Variants in LRRC69 observed in about 807,000 individuals in gnomAD.
LRRC69 encodes leucine rich repeat containing 69, also known as leucine-rich repeat-containing protein 69.
Under a neutral mutation model 37.8 loss-of-function variants are expected in LRRC69, and 42 were observed. The ratio of observed to expected loss-of-function variants is 1.11; its 90% CI spans 0.87 to 1.44. The LOEUF (loss-of-function observed/expected upper bound fraction) is 1.44. LRRC69 is among the 40% of genes most tolerant of loss of function. The probability of loss-of-function intolerance (pLI) is 0.00; values close to 1 mark genes in which losing one functional copy is unlikely to be tolerated. For missense variants in LRRC69, 357 were observed against 401.9 expected, an observed-to-expected ratio of 0.89 and a Z score of 0.96; for synonymous variants, 141 against 143.1, an observed-to-expected ratio of 0.99 and a Z score of 0.11.
At chr8:91,151,364 A>G (rs1457878914) in intron 5 of LRRC69, among the ~76,000 whole-genome samples, 4 of 151,300 alleles carry the variant, frequency 2.6e-5, no homozygotes, top group Non-Finnish European at 4.4e-5. Flanking sequence ...ATTCAGGAGC[A>G]GGTTGTTCCG....
chr8:91,124,717 T>C, intron 2 of LRRC69, 98 bp downstream of exon 2: 4 of 1,102,410 alleles, frequency 3.6e-6, no homozygotes, highest in Non-Finnish European at 5.0e-6. Context: ...GCATGTTTAA[T>C]CTTTTTTTGT....
At chr8:91,135,568 G>T in intron 4 of LRRC69, 100 bp from the exon 5 acceptor site, 1 of 693,314 alleles carries the variant, frequency 1.4e-6, no homozygotes, top group Non-Finnish European at 2.3e-6. Flanking sequence ...AGAAAAGATG[G>T]CCACCTTCAT....
rs1010813672 is a variant in LRRC69, at chr8:91,197,833, T to G, written c.754-2780T>G. On this transcript the variant is annotated intron_variant, in intron 6 of 7. Transcript: ENST00000448384. ...GTCGCTCACGGTGGGAGCTGTAGAC[T>G]GGAGCTGTTCCTATTCGGCCATCTT... Among the ~76,000 whole-genome samples, 13 of 152,018 alleles carry G rather than the reference T, an allele frequency of 8.6e-5. No individual in the cohort carries two copies. In the East Asian group the frequency reaches 1.2e-3, roughly 14 times the overall value.
intron 7 of LRRC69, among the ~76,000 whole-genome samples, chr8:91,213,999 A>C (rs1467995829): frequency 6.6e-6 from 1 of 151,862 alleles, no homozygotes; most frequent in East Asian, 1.9e-4. Flanking sequence ...ATGTGGGGGA[A>C]AACCGGTGAG....
chr8:91,204,601 T>G (rs1228466094), intron 7 of LRRC69, among the ~76,000 whole-genome samples: 1 of 152,248 alleles, frequency 6.6e-6, no homozygotes, highest in Non-Finnish European at 1.5e-5. Flanking sequence ...ACAAGTATGC[T>G]ATGTTCCCAA....
At chr8:91,186,160 T>G (rs560945936) in intron 5 of LRRC69, among the ~76,000 whole-genome samples, 9 of 152,318 alleles carry the variant, frequency 5.9e-5, no homozygotes, top group African/African-American at 1.7e-4. Context: ...AGATATTTGT[T>G]TATTCATAAA....
intron 5 of LRRC69, among the ~76,000 whole-genome samples, chr8:91,163,322 C>T (rs1808976926): frequency 6.6e-6 from 1 of 151,568 alleles, no homozygotes; most frequent in South Asian, 2.1e-4. Flanking sequence ...ATGAAAACAG[C>T]ATCTTTGCCT....
At chr8:91,134,588 AG>A (rs1813872973) in intron 4 of LRRC69, among the ~76,000 whole-genome samples, 2 of 151,914 alleles carry the variant, frequency 1.3e-5, no homozygotes, top group South Asian at 2.1e-4. Context: ...CATCTCCTCT[AG>A]AAACAACCTC....
At chr8:91,149,658 C>G (rs75985466) in intron 5 of LRRC69, among the ~76,000 whole-genome samples, 7,964 of 152,016 alleles carry the variant, frequency 0.052, 293 homozygotes, top group Middle Eastern at 0.16. Context: ...GGCATTGAAT[C>G]TATAAATTAC....
intron 6 of LRRC69, among the ~76,000 whole-genome samples, chr8:91,196,839 G>A (rs905004459): frequency 2.6e-5 from 4 of 152,124 alleles, no homozygotes; most frequent in South Asian, 4.1e-4. Context: ...CCTTCTCTCA[G>A]CTTGTCAAAG....
chr8:91,189,465 T>C, intron 5 of LRRC69, 57 bp from the exon 6 acceptor site: 1 of 1,091,624 alleles, frequency 9.2e-7, no homozygotes, highest in Non-Finnish European at 1.3e-6. Flanking sequence ...AAAATGTAGC[T>C]TTAGAGGTAG....
At chr8:91,195,625 T>C (rs1031318402) in intron 6 of LRRC69, among the ~76,000 whole-genome samples, 2 of 151,996 alleles carry the variant, frequency 1.3e-5, no homozygotes, top group African/African-American at 4.8e-5. Context: ...TTTTGATCTT[T>C]ATTGGTTTAA....
rs183786067 is a variant in LRRC69, at chr8:91,142,304, G to A, written c.651+6565G>A. Among the ~76,000 whole-genome samples, 5 of 152,092 alleles carry A rather than the reference G, an allele frequency of 3.3e-5. No individual in the cohort carries two copies. In the East Asian group the frequency reaches 7.7e-4, roughly 23 times the overall value. On this transcript the variant is annotated intron_variant, in intron 5 of 7. Transcript: ENST00000448384. ...AATAGAAAACTTCACATTTAAATAA[G>A]CTCTTAGAATCCTCCGTTAGCAATC...
intron 5 of LRRC69, among the ~76,000 whole-genome samples, chr8:91,172,641 G>A (rs1438137477): frequency 1.3e-5 from 2 of 151,636 alleles, no homozygotes; most frequent in African/African-American, 2.4e-5. Context: ...TCAGCCTCCC[G>A]AGTAGCTGGG....
chr8:91,213,654 A>C (rs191672150), intron 7 of LRRC69, among the ~76,000 whole-genome samples: 1 of 152,332 alleles, frequency 6.6e-6, no homozygotes, highest in Non-Finnish European at 1.5e-5. Flanking sequence ...GATAGAGACC[A>C]ATTGCTTTAG....
chr8:91,192,034 C>T (rs1272719298), intron 6 of LRRC69, among the ~76,000 whole-genome samples: 1 of 136,846 alleles, frequency 7.3e-6, no homozygotes, highest in Non-Finnish European at 1.5e-5. Context: ...TGTGATATTC[C>T]CCTTCCTGTG....
At position 91,199,062 on chromosome 8, in the gene LRRC69, C is replaced by T. The variant is rs568269597; in HGVS notation, c.754-1551C>T. Among the ~76,000 whole-genome samples, 13 of 152,150 alleles carry T rather than the reference C, an allele frequency of 8.5e-5. No individual in the cohort carries two copies. The South Asian group carries it at 2.3e-3, about 27-fold the overall frequency. On this transcript the variant is annotated intron_variant, in intron 6 of 7. Transcript: ENST00000448384. The stretch of plus-strand genomic sequence containing the variant: ...ATCTATATGAACCTATTTTTAGGTC[C>T]CTGGTATTTCAGCAAATGCTTCTGT...
intron 1 of LRRC69, among the ~76,000 whole-genome samples, chr8:91,111,162 A>G (rs75453401): frequency 1.3e-5 from 2 of 152,256 alleles, no homozygotes; most frequent in East Asian, 3.9e-4. Context: ...CATAGAATCA[A>G]CATAAATGCC....
intron 7 of LRRC69, among the ~76,000 whole-genome samples, chr8:91,203,534 AGGT>A (rs1809745467): frequency 6.6e-6 from 1 of 151,742 alleles, no homozygotes; most frequent in Non-Finnish European, 1.5e-5. Context: ...CTGGGATTAC[AGGT>A]GGCCACCACC....
Sources: gnomAD v4.1 joint callset for allele counts (sites outside exome capture counted in the v4.1 genomes callset) on GRCh38, gnomAD v4.1.1 for gene constraint, MANE v1.5 for transcripts, NCBI Gene and HGNC (gene_info 2026-07-23, HGNC 2026-07-21) for gene names.